EFHC2: variants seen among roughly 807,000 people sequenced by gnomAD.
EFHC2 encodes EF-hand domain-containing family member C2.
A neutral mutation model predicts 52.7 loss-of-function variants in EFHC2; 18 were observed. The ratio of observed to expected loss-of-function variants is 0.34; its 90% CI spans 0.24 to 0.51. The LOEUF (loss-of-function observed/expected upper bound fraction) is 0.51. EFHC2 is among the 20% of genes least tolerant of loss of function. The pLI is 0.97. For synonymous variants in EFHC2, 203 were observed against 204.1 expected, an observed-to-expected ratio of 0.99 and a Z score of 0.04; for missense variants, 513 against 562.5, an observed-to-expected ratio of 0.91 and a Z score of 0.89.
At chrX:44,265,548 C>T (rs766131169) in intron 3 of EFHC2, among the ~76,000 whole-genome samples, 2 of 112,091 alleles carry the variant, frequency 1.8e-5, no homozygotes, top group Admixed American at 1.9e-4. Flanking sequence ...GGATTACAGG[C>T]GTGAGCCACT....
chrX:44,299,651 T>C (rs2037854214), intron 2 of EFHC2, among the ~76,000 whole-genome samples: 1 of 111,870 alleles, frequency 8.9e-6, no homozygotes, highest in African/African-American at 3.3e-5. Flanking sequence ...CCCGACCACC[T>C]TGGGCACATG....
intron 1 of EFHC2, among the ~76,000 whole-genome samples, chrX:44,330,085 CAA>C (rs34888507): frequency 7.3e-4 from 34 of 46,386 alleles, no homozygotes; most frequent in African/African-American, 3.1e-3. Flanking sequence ...CCTGTCTCTA[CAA>C]AAAAAAAAAA....
chrX:44,195,378 A>G (rs2036956780), intron 11 of EFHC2, among the ~76,000 whole-genome samples: 1 of 110,750 alleles, frequency 9.0e-6, no homozygotes, highest in African/African-American at 3.3e-5. Context: ...CCCTCAGCCA[A>G]CCCACGGACC....
Position 44,278,097 on chromosome X carries a change from G to A in EFHC2, c.232-5261C>T, listed in dbSNP as rs185177173. 1.5e-3 allele frequency among the ~76,000 whole-genome samples: 170 copies of A among 112,284 alleles called. 1 individual carries two copies. Among genetic ancestry groups the A allele is most frequent in the African/African-American group, 5.3e-3 (164 of 30,961 alleles). ...AAAATTTGAAAGACCAGATCTGGCC[G>A]GGCGCAATGGCTCACACCTGTAATC... On this transcript the variant is annotated intron_variant, in intron 2 of 14. Transcript: ENST00000420999.
intron 14 of EFHC2, among the ~76,000 whole-genome samples, chrX:44,149,551 TGTTGCCCAGGCTGGA>T (rs1239503639): frequency 8.9e-6 from 1 of 111,883 alleles, no homozygotes; most frequent in Non-Finnish European, 1.9e-5. Flanking sequence ...GGTATCACTT[TGTTGCCCAGGCTGGA>T]GTACACTGGC....
intron 7 of EFHC2, among the ~76,000 whole-genome samples, chrX:44,245,265 A>G (rs2037391334): frequency 8.9e-6 from 1 of 112,311 alleles, no homozygotes; most frequent in African/African-American, 3.2e-5. Context: ...GAATCTAAGC[A>G]TAGCCCAATA....
intron 14 of EFHC2, among the ~76,000 whole-genome samples, chrX:44,153,664 A>G (rs1006896224): frequency 3.6e-5 from 4 of 111,662 alleles, no homozygotes; most frequent in African/African-American, 1.3e-4. Context: ...GTAGAGGGAA[A>G]GGCACTTTCT....
Position 44,148,715 on chromosome X carries a change from T to C in EFHC2, c.*80A>G. 1 of 825,712 alleles carries C rather than the reference T, an allele frequency of 1.2e-6. No homozygotes were observed. The highest frequency in any genetic ancestry group is 1.7e-6 in the Non-Finnish European group (1 of 587,245). The allele number at this position is 825,712 out of a possible 1,213,427, so 68.0% of individuals were successfully genotyped here. ...TATAAACCTTGTTTCTTTTTTGTTT[T>C]TAATGAAATTATATCTACTAAAGTA... On this transcript the variant is annotated 3_prime_UTR_variant, in exon 15 of 15. Coordinates refer to ENST00000420999, the MANE Select transcript of EFHC2 (RefSeq NM_025184.4).
intron 13 of EFHC2, among the ~76,000 whole-genome samples, chrX:44,174,656 G>C (rs1405804125): frequency 9.9e-6 from 1 of 101,248 alleles, no homozygotes; most frequent in Non-Finnish European, 2.0e-5. Flanking sequence ...AAAAAAGGGG[G>C]GGGGAGGGGG....
chrX:44,182,660 T>C (rs1045374054), intron 11 of EFHC2, among the ~76,000 whole-genome samples: 1 of 112,255 alleles, frequency 8.9e-6, no homozygotes, highest in African/African-American at 3.2e-5. Flanking sequence ...TCAGTACTTC[T>C]TGACCAATCA....
chrX:44,250,024 G>C (rs2037430211), intron 5 of EFHC2, among the ~76,000 whole-genome samples, 170 bp downstream of exon 5: 1 of 112,437 alleles, frequency 8.9e-6, no homozygotes, highest in African/African-American at 3.2e-5. Context: ...CATATTCTCT[G>C]TATTACTTTC....
intron 7 of EFHC2, among the ~76,000 whole-genome samples, chrX:44,244,785 GA>G: frequency 8.9e-6 from 1 of 112,088 alleles, no homozygotes; most frequent in East Asian, 2.8e-4. Context: ...TGGGAGGCTG[GA>G]AGCTTAAATA....
intron 11 of EFHC2, among the ~76,000 whole-genome samples, chrX:44,209,791 G>A (rs1182475807): frequency 1.0e-4 from 11 of 109,106 alleles, no homozygotes; most frequent in Admixed American, 7.9e-4. Flanking sequence ...CCCATTGCTC[G>A]CATTACTGCC....
intron 11 of EFHC2, among the ~76,000 whole-genome samples, chrX:44,213,537 G>A (rs749689131): frequency 9.8e-5 from 11 of 111,964 alleles, no homozygotes; most frequent in African/African-American, 2.3e-4. Context: ...CTCAAAGGGC[G>A]AGGGCTTCTA....
rs773847145 is a variant in EFHC2 at position 44,176,283 on chromosome X, C to T, written c.2042+9G>A. On this transcript the variant is annotated intron_variant, in intron 13 of 14. Transcript: ENST00000420999. ...GACAATCCCTATCAAGAGTGGAACT[C>T]TAACTTACCTTGACAATAAGGATTC... 107 of 1,180,460 alleles carry T rather than the reference C, an allele frequency of 9.1e-5. No homozygotes were observed. In the East Asian group the frequency reaches 3.2e-3, roughly 35 times the overall value.
At chrX:44,197,857 A>T (rs2036977235) in intron 11 of EFHC2, among the ~76,000 whole-genome samples, 1 of 111,968 alleles carries the variant, frequency 8.9e-6, no homozygotes, top group Non-Finnish European at 1.9e-5. Flanking sequence ...TTTATATCCT[A>T]ATTTTTACAT....
chrX:44,246,257 A>G (rs2147332988), intron 7 of EFHC2, among the ~76,000 whole-genome samples: 1 of 112,454 alleles, frequency 8.9e-6, no homozygotes, highest in East Asian at 2.8e-4. Context: ...TGCAAAGATT[A>G]TCAGAGAACA....
chrX:44,188,380 T>C (rs1415529563), intron 11 of EFHC2, among the ~76,000 whole-genome samples: 2 of 111,944 alleles, frequency 1.8e-5, no homozygotes, highest in African/African-American at 6.5e-5. Context: ...TTCCCCTTAT[T>C]TGTTAAGAAA....
intron 11 of EFHC2, among the ~76,000 whole-genome samples, chrX:44,198,522 G>C (rs1602146828): frequency 9.0e-6 from 1 of 111,595 alleles, no homozygotes; most frequent in South Asian, 3.8e-4. Context: ...CTTATGGCAT[G>C]GGAGAGAGAT....
Sources: gnomAD v4.1 joint callset for allele counts (sites outside exome capture counted in the v4.1 genomes callset) on GRCh38, gnomAD v4.1.1 for gene constraint, MANE v1.5 for transcripts, NCBI Gene and HGNC (gene_info 2026-07-23, HGNC 2026-07-21) for gene names.